IL1RAPL1: variants seen among roughly 807,000 people sequenced by gnomAD.
IL1RAPL1 encodes interleukin 1 receptor accessory protein like 1, also known as interleukin-1 receptor accessory protein-like 1.
In IL1RAPL1, 3 loss-of-function variants were observed where a neutral mutation model predicts 48.4. That is an observed-to-expected ratio of 0.06 (90% CI 0.03 to 0.16). The LOEUF is 0.16. IL1RAPL1 is among the 10% of genes least tolerant of loss of function. The pLI, the probability that IL1RAPL1 is intolerant of heterozygous loss-of-function variation, is 1.00. For missense variants in IL1RAPL1, 349 were observed against 530.6 expected (o/e 0.66, Z 3.36); for synonymous variants, 185 against 187.7 (o/e 0.99, Z 0.12).
At chrX:29,362,004 T>TA (rs1297485634) in intron 3 of IL1RAPL1, among the ~76,000 whole-genome samples, 4 of 112,121 alleles carry the variant, frequency 3.6e-5, no homozygotes, top group African/African-American at 1.3e-4. Context: ...GGGCAAGTGA[T>TA]AAAAAAGTGA....
At position 29,633,386 on chromosome X, in the gene IL1RAPL1, T is replaced by A. The variant is rs148956695; in HGVS notation, c.704-35044T>A. Reference sequence around the variant, plus strand: ...AAACAGAAGAGAAGAGCTTCTGGCATGTTGATCTAATGTTCTATTTCTGAA... The same window carrying A: ...AAACAGAAGAGAAGAGCTTCTGGCAAGTTGATCTAATGTTCTATTTCTGAA... On this transcript the variant is annotated intron_variant, in intron 5 of 10. Transcript: ENST00000378993. 2.3e-3 allele frequency among the ~76,000 whole-genome samples: 256 copies of A among 110,429 alleles called. 1 individual carries two copies. The highest frequency in any genetic ancestry group is 8.0e-3 in the African/African-American group (244 of 30,341).
At chrX:29,236,078 G>T (rs753366390) in intron 2 of IL1RAPL1, among the ~76,000 whole-genome samples, 7 of 112,453 alleles carry the variant, frequency 6.2e-5, no homozygotes, top group Non-Finnish European at 1.1e-4. Flanking sequence ...CAATTTTATA[G>T]AGAATACAGT....
chrX:28,626,997 C>G (rs1934347281), intron 1 of IL1RAPL1, among the ~76,000 whole-genome samples: 1 of 112,116 alleles, frequency 8.9e-6, no homozygotes, highest in African/African-American at 3.2e-5. Flanking sequence ...ACTCTCCCCA[C>G]TCCCTGGGAT....
chrX:28,924,741 A>G (rs1414099827), intron 2 of IL1RAPL1, among the ~76,000 whole-genome samples: 1 of 112,396 alleles, frequency 8.9e-6, no homozygotes, highest in Non-Finnish European at 1.9e-5. Context: ...GCAAGGGAGT[A>G]GGTACATGAT....
At position 29,766,360 on chromosome X, in the gene IL1RAPL1, TATAGATAG is replaced by T. The variant is rs1221637035; in HGVS notation, c.778+97876_778+97883del. Among the ~76,000 whole-genome samples the T allele has an allele frequency of 8.5e-3, 617 of 72,746 alleles. 36 individuals are homozygous for T. The highest frequency in any genetic ancestry group is 0.031 in the African/African-American group (516 of 16,469). The allele number at this position is 72,746 out of a possible 115,157, so 63.2% of individuals were successfully genotyped here. A position where few individuals can be genotyped will look rare whatever the true frequency, so the allele number is the denominator to read the frequency against. ...AAAAAAAAATATATATATATATATATATAGATAGATAGATAGATAGATAGATATTTTTA... is the reference window on the plus strand; with the variant it reads ...AAAAAAAAATATATATATATATATATATAGATAGATAGATAGATATTTTTA... On this transcript the variant is annotated intron_variant, in intron 6 of 10. Coordinates refer to ENST00000378993, the MANE Select transcript of IL1RAPL1 (RefSeq NM_014271.4).
At chrX:29,739,319 T>C (rs753749172) in intron 6 of IL1RAPL1, among the ~76,000 whole-genome samples, 11 of 112,641 alleles carry the variant, frequency 9.8e-5, no homozygotes, top group Non-Finnish European at 1.5e-4. Flanking sequence ...ATAATTTTAT[T>C]ATAACTGAAA....
intron 2 of IL1RAPL1, among the ~76,000 whole-genome samples, chrX:28,848,659 C>T (rs1921575794): frequency 9.0e-6 from 1 of 111,486 alleles, no homozygotes; most frequent in African/African-American, 3.3e-5. Context: ...TGGGATGCTT[C>T]CAACTTTGGT....
At chrX:28,816,695 A>G (rs756545360) in intron 2 of IL1RAPL1, among the ~76,000 whole-genome samples, 1 of 111,305 alleles carries the variant, frequency 9.0e-6, no homozygotes, top group East Asian at 2.8e-4. Context: ...TAGTGCTGCA[A>G]TGAACATACA....
intron 5 of IL1RAPL1, among the ~76,000 whole-genome samples, chrX:29,652,952 T>C (rs1009055920): frequency 6.2e-5 from 7 of 112,259 alleles, no homozygotes; most frequent in Non-Finnish European, 9.4e-5. Context: ...CTTATCACAT[T>C]CAAAGAAATG....
At chrX:29,603,606 C>T (rs969467603) in intron 5 of IL1RAPL1, among the ~76,000 whole-genome samples, 1 of 111,692 alleles carries the variant, frequency 9.0e-6, no homozygotes, top group Non-Finnish European at 1.9e-5. Context: ...ACCTCCACTG[C>T]TGGAATACAT....
chrX:29,534,747 T>A (rs766710034), intron 5 of IL1RAPL1, among the ~76,000 whole-genome samples: 1 of 110,321 alleles, frequency 9.1e-6, no homozygotes, highest in East Asian at 2.9e-4. Context: ...AGCGGGCAGA[T>A]CACAAGGTCA....
intron 2 of IL1RAPL1, among the ~76,000 whole-genome samples, chrX:29,001,579 C>T (rs1057069579): frequency 8.9e-6 from 1 of 112,041 alleles, no homozygotes; most frequent in African/African-American, 3.2e-5. Context: ...TAGATACATT[C>T]ATTTTTCACA....
chrX:29,069,628 A>C (rs867165646), intron 2 of IL1RAPL1, among the ~76,000 whole-genome samples: 1 of 83,733 alleles, frequency 1.2e-5, no homozygotes, highest in Non-Finnish European at 2.4e-5. Context: ...TTTCCTATAG[A>C]ACACACACAC....
At chrX:29,616,717 C>T (rs1924300263) in intron 5 of IL1RAPL1, among the ~76,000 whole-genome samples, 1 of 110,809 alleles carries the variant, frequency 9.0e-6, no homozygotes, top group African/African-American at 3.3e-5. Flanking sequence ...CCCATAGTAC[C>T]TGAGAGGTGT....
intron 2 of IL1RAPL1, among the ~76,000 whole-genome samples, chrX:29,241,353 C>A: frequency 8.9e-6 from 1 of 111,799 alleles, no homozygotes; most frequent in Middle Eastern, 4.6e-3. Context: ...GGCTCTGTCT[C>A]TAATTATTGC....
intron 1 of IL1RAPL1, among the ~76,000 whole-genome samples, chrX:28,622,855 T>C (rs1934299521): frequency 8.9e-6 from 1 of 112,054 alleles, no homozygotes; most frequent in South Asian, 3.7e-4. Context: ...ACTCTGACTC[T>C]CAGTTTCTTA....
At chrX:28,974,204 A>G (rs1313399389) in intron 2 of IL1RAPL1, among the ~76,000 whole-genome samples, 1 of 111,890 alleles carries the variant, frequency 8.9e-6, no homozygotes, top group African/African-American at 3.3e-5. Flanking sequence ...CCTGCAAGTT[A>G]CAGTAACTAT....
chrX:29,864,592 GGGTA>G (rs1347370349), intron 6 of IL1RAPL1, among the ~76,000 whole-genome samples: 1 of 111,901 alleles, frequency 8.9e-6, no homozygotes, highest in Non-Finnish European at 1.9e-5. Context: ...TGTATGAAGA[GGGTA>G]TACAAATCTA....
At chrX:29,656,695 A>G (rs1569139001) in intron 5 of IL1RAPL1, among the ~76,000 whole-genome samples, 1 of 110,885 alleles carries the variant, frequency 9.0e-6, no homozygotes, top group Non-Finnish European at 1.9e-5. Context: ...ATAGGTATGT[A>G]GGCTAGTTCC....
Sources: gnomAD v4.1 joint callset for allele counts (sites outside exome capture counted in the v4.1 genomes callset) on GRCh38, gnomAD v4.1.1 for gene constraint, MANE v1.5 for transcripts, NCBI Gene and HGNC (gene_info 2026-07-23, HGNC 2026-07-21) for gene names.